SEPTIN6: variants seen among roughly 807,000 people sequenced by gnomAD.
The protein encoded by SEPTIN6 is septin-6.
A neutral mutation model predicts 33.6 loss-of-function variants in SEPTIN6; 8 were observed. The ratio of observed to expected loss-of-function variants is 0.24; its 90% CI spans 0.14 to 0.43. The LOEUF (loss-of-function observed/expected upper bound fraction) is 0.43, where lower values mean the gene tolerates loss of function less well. SEPTIN6 is among the 20% of genes least tolerant of loss of function. The pLI is 1.00. For missense variants in SEPTIN6, 250 were observed against 340.8 expected, an observed-to-expected ratio of 0.73 and a Z score of 2.10; for synonymous variants, 131 against 140.0, an observed-to-expected ratio of 0.94 and a Z score of 0.45.
At chrX:119,656,038 A>G (rs2054437323) in intron 3 of SEPTIN6, among the ~76,000 whole-genome samples, 1 of 112,200 alleles carries the variant, frequency 8.9e-6, no homozygotes, top group Non-Finnish European at 1.9e-5. Flanking sequence ...TATAGATATT[A>G]TTACTTCTGG....
chrX:119,692,493 G>C lies in SEPTIN6; in HGVS notation c.30+583C>G, dbSNP rs765840460. Among the ~76,000 whole-genome samples the C allele has an allele frequency of 4.8e-4, 53 of 111,133 alleles. 1 individual carries two copies. The highest frequency in any genetic ancestry group is 1.6e-3 in the African/African-American group (50 of 30,595). On this transcript the variant is annotated intron_variant, in intron 1 of 10. Transcript: ENST00000394610. The stretch of plus-strand genomic sequence containing the variant: ...CCGCCGCCCGCCCGGGAAGACACGA[G>C]CGCGCGCGCGTGCACACATACGCGC...
At chrX:119,668,312 CAG>C (rs761569775) in intron 2 of SEPTIN6, among the ~76,000 whole-genome samples, 60 of 79,061 alleles carry the variant, frequency 7.6e-4, no homozygotes, top group Non-Finnish European at 6.9e-4. Context: ...AAAGGAAAGA[CAG>C]AGAGAGAGAG....
intron 3 of SEPTIN6, among the ~76,000 whole-genome samples, chrX:119,659,716 G>C (rs891924703): frequency 2.7e-5 from 3 of 111,264 alleles, no homozygotes; most frequent in Admixed American, 1.9e-4. Context: ...CTGAGGCATA[G>C]AAAATTTAAG....
chrX:119,621,372 G>A (rs2053757007), intron 10 of SEPTIN6, among the ~76,000 whole-genome samples: 1 of 108,311 alleles, frequency 9.2e-6, no homozygotes, highest in Non-Finnish European at 1.9e-5. Context: ...CATTTCATAT[G>A]AGTAGACCAA....
At chrX:119,651,922 T>C (rs1052115820) in intron 4 of SEPTIN6, among the ~76,000 whole-genome samples, 34 of 112,045 alleles carry the variant, frequency 3.0e-4, no homozygotes, top group African/African-American at 1.1e-3. Flanking sequence ...AATGGCTGCA[T>C]GTGAATTCGA....
intron 1 of SEPTIN6, among the ~76,000 whole-genome samples, chrX:119,690,030 G>T (rs989359754): frequency 9.0e-6 from 1 of 111,579 alleles, no homozygotes; most frequent in Non-Finnish European, 1.9e-5. Context: ...AGCCCAGTCC[G>T]ATCACGAACG....
At chrX:119,629,166 G>T in intron 9 of SEPTIN6, 152 bp downstream of exon 9, 1 of 503,139 alleles carries the variant, frequency 2.0e-6, no homozygotes, top group Non-Finnish European at 3.3e-6. Flanking sequence ...CCACAGGGAT[G>T]CTGGGACCAG....
intron 2 of SEPTIN6, among the ~76,000 whole-genome samples, chrX:119,674,611 C>T (rs1361418363): frequency 9.0e-6 from 1 of 111,595 alleles, no homozygotes. Flanking sequence ...AACAAGGGGT[C>T]AACCAGGCCT....
chrX:119,663,637 CAGGGTGTCCATG>C lies in SEPTIN6; in HGVS notation c.174_185del (p.Met59_Leu62del). The C allele has an allele frequency of 2.5e-6, 3 of 1,210,534 alleles. No individual in the cohort carries two copies. The highest frequency in any genetic ancestry group is 3.4e-6 in the Non-Finnish European group (3 of 894,987). Reference sequence around the variant, plus strand: ...GCTCCCCTTCGAATTTGGTGTTGAACAGGGTGTCCATGAGGGTGGACTTGCCCAAACCTGTCT... The same window carrying C: ...GCTCCCCTTCGAATTTGGTGTTGAACAGGGTGGACTTGCCCAAACCTGTCT... On this transcript the variant is annotated inframe_deletion, in exon 3 of 11. Transcript: ENST00000394610.
intron 4 of SEPTIN6, 91 bp from the exon 5 acceptor site, chrX:119,650,189 G>C: frequency 1.1e-6 from 1 of 932,217 alleles, no homozygotes; most frequent in South Asian, 2.1e-5. Context: ...GCCAGAGGGA[G>C]CCGCTCAGCC....
At chrX:119,692,754 T>C (rs1451642156) in intron 1 of SEPTIN6, among the ~76,000 whole-genome samples, 1 of 112,515 alleles carries the variant, frequency 8.9e-6, no homozygotes, top group Non-Finnish European at 1.9e-5. Flanking sequence ...GGCCATTCAT[T>C]CGGCAACGCC....
At chrX:119,648,431 G>A (rs903162318) in intron 5 of SEPTIN6, among the ~76,000 whole-genome samples, 1 of 111,463 alleles carries the variant, frequency 9.0e-6, no homozygotes, top group South Asian at 3.7e-4. Context: ...CGAGGCTCCC[G>A]TTTTTCTGCA....
intron 5 of SEPTIN6, among the ~76,000 whole-genome samples, chrX:119,641,785 T>C (rs1280603718): frequency 1.8e-5 from 2 of 112,537 alleles, no homozygotes; most frequent in African/African-American, 6.5e-5. Context: ...CACAGCCAGA[T>C]GGAACCACGG....
intron 1 of SEPTIN6, among the ~76,000 whole-genome samples, chrX:119,690,671 C>T (rs779304730): frequency 6.7e-4 from 64 of 95,845 alleles, no homozygotes; most frequent in Middle Eastern, 5.6e-3. Flanking sequence ...TGCAGTGAGC[C>T]GAGATCATGC....
Position 119,617,943 on chromosome X carries a change from AAT to A in SEPTIN6, c.*2148_*2149del, listed in dbSNP as rs1382079745. On this transcript the variant is annotated 3_prime_UTR_variant, in exon 11 of 11. Transcript: ENST00000394610. ...GCCTTAACTAGTTAATCTGTACACA[AAT>A]GCAAATGAGGGCGCCTCCGGTTTGT... The A allele has an allele frequency of 6.2e-5, 50 of 802,170 alleles. No homozygotes were observed. The African/African-American group carries it at 8.1e-4, about 13-fold the overall frequency. The allele number at this position is 802,170 out of a possible 1,213,427, so 66.1% of individuals were successfully genotyped here. A position where few individuals can be genotyped will look rare whatever the true frequency, so the allele number is the denominator to read the frequency against.
downstream of SEPTIN6, chrX:119,616,084 C>T (rs1380970557): frequency 1.1e-5 from 2 of 182,931 alleles, no homozygotes; most frequent in Non-Finnish European, 2.1e-5. Flanking sequence ...GAGCAGAAAC[C>T]TCTCTCAAAA....
chrX:119,689,095 G>A (rs1053478777), intron 1 of SEPTIN6, among the ~76,000 whole-genome samples: 1 of 111,724 alleles, frequency 9.0e-6, no homozygotes, highest in Non-Finnish European at 1.9e-5. Context: ...GGCAAAGTTA[G>A]CCCCTGAAAG....
intron 1 of SEPTIN6, among the ~76,000 whole-genome samples, chrX:119,679,332 C>A (rs2054907042): frequency 9.0e-6 from 1 of 111,517 alleles, no homozygotes. Context: ...GTGATTTGAG[C>A]AGGGAGGGCC....
intron 1 of SEPTIN6, among the ~76,000 whole-genome samples, chrX:119,681,708 T>C (rs1324121134): frequency 8.9e-6 from 1 of 112,072 alleles, no homozygotes; most frequent in African/African-American, 3.2e-5. Context: ...CAAGACATAT[T>C]ATAAAACAGA....
Sources: gnomAD v4.1 joint callset for allele counts (sites outside exome capture counted in the v4.1 genomes callset) on GRCh38, gnomAD v4.1.1 for gene constraint, MANE v1.5 for transcripts, NCBI Gene and HGNC (gene_info 2026-07-23, HGNC 2026-07-21) for gene names.